The following PUM1 variants were observed in gnomAD, a reference collection of about 807,000 sequenced individuals.
The protein encoded by PUM1 is pumilio RNA binding family member 1.
In PUM1, 13 loss-of-function variants were observed where a neutral mutation model predicts 131.8. That is an observed-to-expected ratio of 0.10 (90% CI 0.06 to 0.16). The LOEUF is 0.16. Among genes scored for constraint, PUM1 ranks in the 10% least tolerant of loss-of-function variants. The pLI is 1.00. For synonymous variants in PUM1, 509 were observed against 556.5 expected (o/e 0.91, Z 1.20); for missense variants, 961 against 1,512.4 (o/e 0.64, Z 6.05).
intron 2 of PUM1, among the ~76,000 whole-genome samples, chr1:31,053,746 G>A (rs894722890): frequency 2.7e-5 from 4 of 149,176 alleles, no homozygotes; most frequent in African/African-American, 4.9e-5. Context: ...AAAGTGCTGC[G>A]ATTACAGGTG....
At chr1:30,934,902 T>C (rs1206258221) in intron 21 of PUM1, among the ~76,000 whole-genome samples, 1 of 152,190 alleles carries the variant, frequency 6.6e-6, no homozygotes, top group African/African-American at 2.4e-5. Context: ...AAACGTTAAT[T>C]ACCTGCTTCT....
rs56143291 is a variant in PUM1, at chr1:30,936,787, A to G, written c.3291T>C (p.Ala1097=). The G allele has an allele frequency of 3.0e-3, 4,765 of 1,613,962 alleles. 12 individuals carry two copies. The highest frequency in any genetic ancestry group is 5.1e-3 in the Middle Eastern group (31 of 6,060). The change falls in exon 21 of 22, where the codon GCT becomes GCC. Residue 1097 remains alanine (A), a synonymous_variant. Transcript: ENST00000426105. ...TGGTGCACACCTCATCGATGAGCACAGCGCGCTCCGTACGTGAGGCGTGAG... is the reference window on the plus strand; with the variant it reads ...TGGTGCACACCTCATCGATGAGCACGGCGCGCTCCGTACGTGAGGCGTGAG... ...CVTHASRTER[A]VLIDEVCTMN...
chr1:31,013,647 CCA>C (rs1322541857), intron 3 of PUM1, among the ~76,000 whole-genome samples: 2 of 152,130 alleles, frequency 1.3e-5, no homozygotes, highest in Non-Finnish European at 2.9e-5. Context: ...ATATATCTCA[CCA>C]CACTCTCAGT....
intron 2 of PUM1, among the ~76,000 whole-genome samples, chr1:31,046,509 T>C (rs1362376556): frequency 9.1e-6 from 1 of 110,192 alleles, no homozygotes; most frequent in East Asian, 3.0e-4. Context: ...TTTGTTTTTT[T>C]GGTTTTTTTT....
In PUM1 at chr1:30,964,747, A is replaced by C; in HGVS notation, c.2250T>G (p.Ser750Arg). ...SPGPVGMPLP[S>R]QGPGHSQTPP... ...GTGTCTGTGAATGTCCTGGTCCCTG[A>C]CTAGGGAGAGGCATGCCCACGGGTC... Residue 750 changes from serine (S) to arginine (R), a missense_variant, in exon 14 of 22, where the codon AGT becomes AGG. Coordinates refer to ENST00000426105, the MANE Select transcript of PUM1 (RefSeq NM_001020658.2). The C allele has an allele frequency of 6.2e-7, 1 of 1,614,102 alleles. No homozygotes were observed. The highest frequency in any genetic ancestry group is 8.5e-7 in the Non-Finnish European group (1 of 1,180,002).
intron 7 of PUM1, chr1:30,982,214 A>T (rs2124470791): frequency 6.6e-6 from 1 of 152,346 alleles, no homozygotes; most frequent in South Asian, 2.1e-4. Context: ...AACACTAAGA[A>T]TGTCTTACGA....
intron 2 of PUM1, among the ~76,000 whole-genome samples, chr1:31,039,368 G>A (rs568322995): frequency 6.6e-6 from 1 of 151,620 alleles, no homozygotes; most frequent in South Asian, 2.1e-4. Context: ...GACTACAGGC[G>A]CCTGATACCA....
rs528147471 is a variant in PUM1, at chr1:30,998,942, T to C, written c.721-3722A>G. On this transcript the variant is annotated intron_variant, in intron 5 of 21. Coordinates refer to ENST00000426105, the MANE Select transcript of PUM1 (RefSeq NM_001020658.2). ...AATGGGCTAAGTTTTATGAAAATTT[T>C]ACACTTCTGAAAAATATTTAAGATA... Among the ~76,000 whole-genome samples, 4 of 152,358 alleles carry C rather than the reference T, an allele frequency of 2.6e-5. No individual in the cohort carries two copies. In the South Asian group the frequency reaches 8.3e-4, roughly 32 times the overall value.
At chr1:31,058,876 A>G (rs540698848) in intron 2 of PUM1, among the ~76,000 whole-genome samples, 19 of 152,206 alleles carry the variant, frequency 1.2e-4, no homozygotes, top group Non-Finnish European at 2.2e-4. Flanking sequence ...AGGCTGAGGC[A>G]GGAGAACTGC....
chr1:30,997,895 T>TACG (rs1406991036), intron 5 of PUM1, among the ~76,000 whole-genome samples: 1 of 149,724 alleles, frequency 6.7e-6, no homozygotes, highest in Non-Finnish European at 1.5e-5. Context: ...ACTGCTAAGT[T>TACG]ACACTTTCAG....
intron 1 of PUM1, among the ~76,000 whole-genome samples, chr1:31,064,824 T>G (rs1570387964): frequency 2.7e-5 from 3 of 110,164 alleles, no homozygotes; most frequent in African/African-American, 7.2e-5. Context: ...TCACTTGACG[T>G]GGGAATGGTA....
At chr1:30,987,112 T>C (rs1478554572) in intron 7 of PUM1, among the ~76,000 whole-genome samples, 1 of 152,146 alleles carries the variant, frequency 6.6e-6, no homozygotes, top group African/African-American at 2.4e-5. Context: ...TAAATAAAGA[T>C]CAACAATACA....
chr1:30,957,210 TCA>T (rs1640205647), intron 14 of PUM1, among the ~76,000 whole-genome samples: 2 of 152,060 alleles, frequency 1.3e-5, no homozygotes, highest in Admixed American at 6.6e-5. Context: ...AACTGACAGT[TCA>T]CAGACATATT....
chr1:30,982,159 G>C (rs2124470728), intron 7 of PUM1: 1 of 152,198 alleles, frequency 6.6e-6, no homozygotes, highest in South Asian at 2.1e-4. Context: ...CTCACACCTA[G>C]CACACTTCTT....
intron 3 of PUM1, among the ~76,000 whole-genome samples, chr1:31,025,718 G>C (rs1296532394): frequency 6.6e-6 from 1 of 151,888 alleles, no homozygotes; most frequent in Non-Finnish European, 1.5e-5. Context: ...ATCACGCCCA[G>C]CTAATTTTTG....
At chr1:30,957,980 T>C (rs1385283697) in intron 14 of PUM1, among the ~76,000 whole-genome samples, 3 of 152,258 alleles carry the variant, frequency 2.0e-5, no homozygotes, top group East Asian at 1.9e-4. Context: ...AATTGTCACA[T>C]GGTTGGTTTT....
intron 3 of PUM1, among the ~76,000 whole-genome samples, chr1:31,024,160 AAAGT>A (rs1313138969): frequency 6.6e-6 from 1 of 152,154 alleles, no homozygotes; most frequent in African/African-American, 2.4e-5. Context: ...CGGGTAGAAA[AAAGT>A]AAGTGCAAAG....
At chr1:31,002,420 G>C (rs1642249643) in intron 5 of PUM1, among the ~76,000 whole-genome samples, 1 of 151,030 alleles carries the variant, frequency 6.6e-6, no homozygotes, top group South Asian at 2.1e-4. Context: ...AAAGTTTAGA[G>C]TGATCTTCTC....
Position 30,965,973 on chromosome 1 carries a change from A to C in PUM1, c.2086+9T>G. 2 of 1,606,112 alleles carry C rather than the reference A, an allele frequency of 1.2e-6. No individual in the cohort carries two copies. Among genetic ancestry groups the C allele is most frequent in the Non-Finnish European group, 1.7e-6 (2 of 1,176,428 alleles). ...TTCAGTCTTAAGAGCATATCAGTCT[A>C]ATTTCTACCTGCTGTTCCAAACCCT... is the stretch of plus-strand genomic sequence containing the variant. On this transcript the variant is annotated intron_variant, in intron 13 of 21. Coordinates refer to ENST00000426105, the MANE Select transcript of PUM1 (RefSeq NM_001020658.2).
Sources: allele counts gnomAD v4.1 joint callset (sites outside exome capture counted in the v4.1 genomes callset), GRCh38; gene constraint gnomAD v4.1.1; transcripts MANE v1.5; gene names NCBI Gene and HGNC (gene_info 2026-07-23, HGNC 2026-07-21).